The following CDC123 variants were observed in gnomAD, a reference collection of about 807,000 sequenced individuals.
The protein encoded by CDC123 is cell division cycle 123, also known as translation initiation factor eIF2 assembly protein.
Under a neutral mutation model 54.4 loss-of-function variants are expected in CDC123, and 37 were observed. The observed-to-expected ratio is 0.68, with a 90% confidence interval of 0.52 to 0.89. The LOEUF (loss-of-function observed/expected upper bound fraction) is 0.89, where lower values mean the gene tolerates loss of function less well. Ranked by LOEUF, CDC123 falls within the 40% of genes least tolerant of loss-of-function variation. The pLI, the probability that CDC123 is intolerant of heterozygous loss-of-function variation, is 0.00. For missense variants in CDC123, 361 were observed against 412.1 expected, an observed-to-expected ratio of 0.88 and a Z score of 1.07; for synonymous variants, 144 against 136.8, an observed-to-expected ratio of 1.05 and a Z score of -0.37.
rs1835656686 is a variant in CDC123 at position 12,215,944 on chromosome 10, A to G, written c.333+109A>G. 12 of 599,822 alleles carry G rather than the reference A, an allele frequency of 2.0e-5. No individual in the cohort carries two copies. In the East Asian group the frequency reaches 3.5e-4, roughly 18 times the overall value. The allele number at this position is 599,822 out of a possible 1,614,324, so 37.2% of individuals were successfully genotyped here. ...TAATTATATTCCTAATTCTAGGAAA[A>G]ATACTGTGGAATTTATTATTAATTT... On this transcript the variant is annotated intron_variant, in intron 5 of 12. Transcript: ENST00000281141.
rs148588477 is a variant in CDC123, at chr10:12,243,415, G to A, written c.718-2734G>A. On this transcript the variant is annotated intron_variant, in intron 10 of 12. Transcript: ENST00000281141. ...AAAAAAAAAGGAAAAAATGTGGTTT[G>A]GTTTTTTGCATTGTGGCATATTCCT... is the stretch of plus-strand genomic sequence containing the variant. 8.4e-4 allele frequency among the ~76,000 whole-genome samples: 127 copies of A among 151,828 alleles called. 1 individual carries two copies. Among genetic ancestry groups the A allele is most frequent in the African/African-American group, 3.0e-3 (125 of 41,422 alleles).
At chr10:12,214,306 G>A (rs1369497289) in intron 4 of CDC123, among the ~76,000 whole-genome samples, 1 of 152,220 alleles carries the variant, frequency 6.6e-6, no homozygotes, top group Non-Finnish European at 1.5e-5. Context: ...TCACAGAAGT[G>A]GGGTTTATGG....
intron 4 of CDC123, among the ~76,000 whole-genome samples, chr10:12,212,223 G>A (rs962528199): frequency 1.3e-5 from 2 of 152,196 alleles, no homozygotes; most frequent in Non-Finnish European, 2.9e-5. Flanking sequence ...CATCCTGGTA[G>A]CAGTGAGCAC....
chr10:12,222,509 C>T (rs80092954), intron 6 of CDC123, among the ~76,000 whole-genome samples: 4,125 of 152,268 alleles, frequency 0.027, 190 homozygotes, highest in African/African-American at 0.095. Context: ...AATTTGCTGA[C>T]TGTGTTATTT....
chr10:12,197,341 A>G (rs1395605738), intron 1 of CDC123, among the ~76,000 whole-genome samples: 3 of 152,012 alleles, frequency 2.0e-5, no homozygotes, highest in Non-Finnish European at 4.4e-5. Flanking sequence ...TTCAAACGTA[A>G]TAAGATTTGT....
At chr10:12,249,989 ATTG>A in intron 12 of CDC123, 1 of 495,786 alleles carries the variant, frequency 2.0e-6, no homozygotes, top group Non-Finnish European at 3.5e-6. Context: ...AAGTGTGTAT[ATTG>A]TTAGAAGGCT....
chr10:12,223,672 G>T (rs778182047), intron 6 of CDC123, among the ~76,000 whole-genome samples: 1 of 152,170 alleles, frequency 6.6e-6, no homozygotes, highest in Non-Finnish European at 1.5e-5. Context: ...TTATAGTAAG[G>T]CCATTTGGCT....
rs1345968916 is a variant in CDC123 at position 12,217,413 on chromosome 10, A to G, written c.386A>G (p.Asp129Gly). The change falls in exon 6 of 13, where the codon GAC becomes GGC. Residue 129 changes from aspartate to glycine, a missense_variant. Asp to Gly is a moderately conservative substitution (Grantham distance 94). Transcript: ENST00000281141. ...TCTCTGAAATGTAAAACCCTCAGCG[A>G]CATCTTTCTGCTTTTCAAGAGTTCC... is the stretch of plus-strand genomic sequence containing the variant. ...NSSLKCKTLS[D>G]IFLLFKSSDF... 6.2e-7 allele frequency: 1 copy of G among 1,614,088 alleles called. No homozygotes were observed. The highest frequency in any genetic ancestry group is 2.2e-5 in the East Asian group (1 of 44,868).
intron 7 of CDC123, 34 bp downstream of exon 7, chr10:12,231,030 GA>G (rs750263384): frequency 1.3e-5 from 20 of 1,547,500 alleles, no homozygotes; most frequent in Non-Finnish European, 1.7e-5. Context: ...AATTGTAGAT[GA>G]AGATGTGTTG....
chr10:12,202,850 A>T (rs1835459952), intron 2 of CDC123, among the ~76,000 whole-genome samples: 1 of 152,178 alleles, frequency 6.6e-6, no homozygotes, highest in African/African-American at 2.4e-5. Flanking sequence ...CCACATCTCT[A>T]CTAAAAATAC....
At chr10:12,204,151 T>G (rs1835482699) in intron 2 of CDC123, among the ~76,000 whole-genome samples, 1 of 151,708 alleles carries the variant, frequency 6.6e-6, no homozygotes, top group African/African-American at 2.4e-5. Context: ...GGGGTTTAAT[T>G]AATCACTGTG....
At chr10:12,221,525 G>A (rs1835736635) in intron 6 of CDC123, among the ~76,000 whole-genome samples, 1 of 152,162 alleles carries the variant, frequency 6.6e-6, no homozygotes, top group Non-Finnish European at 1.5e-5. Flanking sequence ...ATTGGTCACA[G>A]TTACCCAGCC....
intron 6 of CDC123, among the ~76,000 whole-genome samples, chr10:12,221,139 C>T (rs1299870246): frequency 1.4e-5 from 2 of 144,032 alleles, no homozygotes; most frequent in Non-Finnish European, 3.1e-5. Context: ...CTTGACTTGA[C>T]AAAAAAAAAA....
At chr10:12,204,005 A>G (rs774867414) in intron 2 of CDC123, among the ~76,000 whole-genome samples, 1 of 150,302 alleles carries the variant, frequency 6.7e-6, no homozygotes, top group Non-Finnish European at 1.5e-5. Context: ...ACACACAAGG[A>G]TGGCTTGAAC....
At chr10:12,222,566 C>G (rs1196611024) in intron 6 of CDC123, among the ~76,000 whole-genome samples, 1 of 152,186 alleles carries the variant, frequency 6.6e-6, no homozygotes, top group Admixed American at 6.5e-5. Flanking sequence ...GAGTCACAGG[C>G]TGCTTTCATT....
intron 4 of CDC123, 136 bp downstream of exon 4, chr10:12,210,458 G>A (rs1426139317): frequency 1.5e-5 from 16 of 1,086,192 alleles, no homozygotes; most frequent in African/African-American, 6.5e-5. Flanking sequence ...GTGGGCTGTC[G>A]TTTTTATTTT....
At chr10:12,236,447 C>T (rs537462803) in intron 8 of CDC123, among the ~76,000 whole-genome samples, 3 of 152,012 alleles carry the variant, frequency 2.0e-5, no homozygotes, top group South Asian at 2.1e-4. Flanking sequence ...AAAAATAAAA[C>T]GATGAGCCAG....
At chr10:12,250,243 T>C (rs375531549) in intron 12 of CDC123, 68 bp from the exon 13 acceptor site, 5 of 956,832 alleles carry the variant, frequency 5.2e-6, no homozygotes, top group Non-Finnish European at 7.8e-6. Flanking sequence ...TCTAGAAAAT[T>C]ACACCTGCTG....
chr10:12,220,135 T>C (rs1226330220), intron 6 of CDC123, among the ~76,000 whole-genome samples: 1 of 152,222 alleles, frequency 6.6e-6, no homozygotes, highest in East Asian at 1.9e-4. Context: ...CTGGCCCTTA[T>C]AAGGATTTTT....
Sources: gnomAD v4.1 joint callset for allele counts (sites outside exome capture counted in the v4.1 genomes callset) on GRCh38, gnomAD v4.1.1 for gene constraint, MANE v1.5 for transcripts, NCBI Gene and HGNC (gene_info 2026-07-23, HGNC 2026-07-21) for gene names.